CELSR1: variants seen among roughly 807,000 people sequenced by gnomAD.
CELSR1 encodes the protein adhesion G protein-coupled receptor C1.
In CELSR1, 110 loss-of-function variants were observed where a neutral mutation model predicts 249.1. The observed-to-expected ratio is 0.44, with a 90% CI of 0.38 to 0.52. CELSR1 has a LOEUF of 0.52. Among genes scored for constraint, CELSR1 ranks in the 20% least tolerant of loss-of-function variants. The pLI, the probability that CELSR1 is intolerant of heterozygous loss-of-function variation, is 0.00. For missense variants in CELSR1, 4,109 were observed against 4,296.4 expected (o/e 0.96, Z 1.22); for synonymous variants, 2,113 against 1,900.0 (o/e 1.11, Z -2.92).
chr22:46,367,795 C>T lies in CELSR1; in HGVS notation c.8013G>A (p.Gly2671=). The part of the protein sequence containing the change: ...LLLISATWLL[G]LLAVNRDALS... ...GTGCATCGCGGTTCACAGCCAGCAG[C>T]CCCAGCAGCCAGGTGGCGCTGATGA... The change falls in exon 28 of 35, where the codon GGG becomes GGA. Residue 2671 remains glycine (G), a synonymous_variant. Coordinates refer to ENST00000674500, the MANE Select transcript of CELSR1 (RefSeq NM_001378328.1). The T allele has an allele frequency of 1.9e-6, 3 of 1,611,522 alleles. No homozygotes were observed. Among genetic ancestry groups the T allele is most frequent in the South Asian group, 2.2e-5 (2 of 90,540 alleles).
Position 46,391,606 on chromosome 22 carries a change from T to A in CELSR1, c.6148+27A>T, listed in dbSNP as rs1445396301. 5.8e-6 allele frequency: 9 copies of A among 1,564,588 alleles called. No homozygotes were observed. The highest frequency in any genetic ancestry group is 7.7e-6 in the Non-Finnish European group (9 of 1,162,110). Reference sequence around the variant, plus strand: ...AGCAGCCTGTCCCCGCGCTGTAACCTGCAGGGTGTCGAGGGGCAACGCGGA... The same window carrying A: ...AGCAGCCTGTCCCCGCGCTGTAACCAGCAGGGTGTCGAGGGGCAACGCGGA... On this transcript the variant is annotated intron_variant, in intron 15 of 34. Transcript: ENST00000674500. The surrounding 1 kb of genome is among the most constrained non-coding windows in gnomAD (Gnocchi z 4.3).
At chr22:46,469,812 C>T (rs1160576156) in intron 1 of CELSR1, among the ~76,000 whole-genome samples, 1 of 149,638 alleles carries the variant, frequency 6.7e-6, no homozygotes, top group Non-Finnish European at 1.5e-5. Context: ...CCGCACCCGG[C>T]CTAGGGCTCT....
At chr22:46,521,483 C>T (rs1453710317) in intron 1 of CELSR1, among the ~76,000 whole-genome samples, 3 of 149,146 alleles carry the variant, frequency 2.0e-5, no homozygotes, top group South Asian at 2.1e-4. Flanking sequence ...CCAGCCTGGG[C>T]GACAGAGCAA....
Position 46,436,376 on chromosome 22 carries a change from G to T in CELSR1, c.4407-87C>A, listed in dbSNP as rs1043700368. The T allele has an allele frequency of 2.9e-5, 26 of 886,940 alleles. No homozygotes were observed. The highest frequency in any genetic ancestry group is 5.0e-5 in the African/African-American group (3 of 60,580). The allele number at this position is 886,940 out of a possible 1,614,324, so 54.9% of individuals were successfully genotyped here. A position where few individuals can be genotyped will look rare whatever the true frequency, so the allele number is the denominator to read the frequency against. On this transcript the variant is annotated intron_variant, in intron 3 of 34. Transcript: ENST00000674500. This position sits in a 1 kb window ranked among gnomAD's most constrained non-coding sequence, Gnocchi z 5.9. ...GAATGACAAGTCCAGCCGGAGGAGG[G>T]CAAGCACGTGGGGCTACGATTCAGG...
rs1410810482 is a variant in CELSR1, at chr22:46,534,587, T to C, written c.2584A>G (p.Ile862Val). The change falls in exon 1 of 35, where the codon ATC (isoleucine) becomes GTC (valine). Residue 862 changes from isoleucine to valine, a missense_variant. Physicochemically the swap from Ile to Val is conservative, Grantham distance 29. Coordinates refer to ENST00000674500, the MANE Select transcript of CELSR1 (RefSeq NM_001378328.1). This position sits in a 1 kb window ranked among gnomAD's most constrained non-coding sequence, Gnocchi z 9.7. ...YENQVAYTLT[I>V]MAQDNGIPQK... ...GGGATGCCGTTGTCCTGGGCCATGA[T>C]GGTCAGCGTGTAGGCGACCTGGTTC... is the stretch of plus-strand genomic sequence containing the variant. 1 of 1,613,738 alleles carries C rather than the reference T, an allele frequency of 6.2e-7. No individual in the cohort carries two copies. Among genetic ancestry groups the C allele is most frequent in the East Asian group, 2.2e-5 (1 of 44,894 alleles).
chr22:46,491,422 C>A (rs372765363), intron 1 of CELSR1, among the ~76,000 whole-genome samples: 32 of 151,878 alleles, frequency 2.1e-4, no homozygotes, highest in African/African-American at 6.5e-4. Context: ...CACCACCATA[C>A]CTGGCTAATT....
chr22:46,530,392 A>T (rs1315915254), intron 1 of CELSR1: 1 of 150,418 alleles, frequency 6.6e-6, no homozygotes, highest in Non-Finnish European at 1.5e-5. Flanking sequence ...GTTTTTCAAA[A>T]ATAAAAATAA....
intron 1 of CELSR1, among the ~76,000 whole-genome samples, chr22:46,499,574 G>A (rs1364287152): frequency 1.3e-5 from 2 of 152,286 alleles, no homozygotes; most frequent in Non-Finnish European, 2.9e-5. Context: ...TCTATTTTCA[G>A]GAAGCCCTGG....
rs59470297 is a variant in CELSR1 at position 46,506,173 on chromosome 22, CAAAAAAAAAA to C, written c.3544+27444_3544+27453del. Among the ~76,000 whole-genome samples the C allele has an allele frequency of 0.51, 69,917 of 137,528 alleles. 18,247 individuals carry two copies. The highest frequency in any genetic ancestry group is 0.85 in the East Asian group (4,259 of 4,996). 90.2% of individuals were successfully genotyped at this position (137,528 alleles called of 152,430 possible). ...CAGCCTGGGCGACAGAGACTGTCTC[CAAAAAAAAAA>C]AAAAAAAAAAGAAAAAGAAAGAAAG... On this transcript the variant is annotated intron_variant, in intron 1 of 34. Transcript: ENST00000674500. This position sits in a 1 kb window ranked among gnomAD's most constrained non-coding sequence, Gnocchi z 4.1.
At chr22:46,499,292 G>A (rs1477005505) in intron 1 of CELSR1, among the ~76,000 whole-genome samples, 1 of 151,820 alleles carries the variant, frequency 6.6e-6, no homozygotes, top group East Asian at 1.9e-4. Context: ...GACAGGACAG[G>A]AATTGGCAGA....
intron 14 of CELSR1, among the ~76,000 whole-genome samples, chr22:46,392,507 G>A (rs908449113): frequency 3.3e-5 from 5 of 152,238 alleles, no homozygotes; most frequent in African/African-American, 9.6e-5. Flanking sequence ...GCTGGGAGGC[G>A]CATGGGGTGA....
Position 46,437,120 on chromosome 22 carries a change from A to G in CELSR1, c.4407-831T>C, listed in dbSNP as rs2079671746. ...AAGAGGCATGAACAGACGCCTGAAC[A>G]TGAACAGGCCTGTCAGAACTTAGAG... is the stretch of plus-strand genomic sequence containing the variant. On this transcript the variant is annotated intron_variant, in intron 3 of 34. Coordinates refer to ENST00000674500, the MANE Select transcript of CELSR1 (RefSeq NM_001378328.1). The surrounding 1 kb of genome is among the most constrained non-coding windows in gnomAD (Gnocchi z 4.9). Among the ~76,000 whole-genome samples, 1 of 152,218 alleles carries G rather than the reference A, an allele frequency of 6.6e-6. No homozygotes were observed. The highest frequency in any genetic ancestry group is 2.4e-5 in the African/African-American group (1 of 41,466).
At position 46,533,636 on chromosome 22, in the gene CELSR1, A is replaced by T. The variant is rs772982178; in HGVS notation, c.3535T>A (p.Ser1179Thr). The change falls in exon 1 of 35, where the codon TCT (serine) becomes ACT (threonine). Residue 1179 changes from serine to threonine, a missense_variant. Transcript: ENST00000674500. ...NRPLEALMEV[S>T]VSDGIHSVTA... ...CCCGACGGCCACTCACCAGACACAG[A>T]CACCTCCATGAGCGCCTCCAGCGGC... The T allele has an allele frequency of 2.0e-5, 31 of 1,568,220 alleles. No individual in the cohort carries two copies. The highest frequency in any genetic ancestry group is 2.5e-5 in the Non-Finnish European group (29 of 1,160,906).
chr22:46,377,095 A>G lies in CELSR1; in HGVS notation c.7550T>C (p.Val2517Ala), dbSNP rs777942198. 9.3e-6 allele frequency: 15 copies of G among 1,613,316 alleles called. No individual in the cohort carries two copies. In the East Asian group the frequency reaches 3.1e-4, roughly 34 times the overall value. The change falls in exon 24 of 35, where the codon GTG becomes GCG. Residue 2517 changes from valine to alanine, a missense_variant. Around this residue, in one of 7 missense-constraint regions of CELSR1, gnomAD observed 1,805 missense variants for 1,831.6 expected, o/e 0.99. Transcript: ENST00000674500. The part of the protein sequence containing the change: ...LAVALFLSQL[V>A]FVIGINQTEN... ...CGTCTGGTTGATCCCAATCACGAAC[A>G]CCAGCTGAGAGAGGAAGAGCGCCAC...
intron 5 of CELSR1, among the ~76,000 whole-genome samples, chr22:46,424,251 T>C (rs2147391996): frequency 6.6e-6 from 1 of 150,826 alleles, no homozygotes; most frequent in Admixed American, 6.6e-5. Context: ...TTTTTTTACT[T>C]TGTATTTTGA....
rs184014444 is a variant in CELSR1, at chr22:46,373,270, C to G, written c.7585-213G>C. Among the ~76,000 whole-genome samples the G allele has an allele frequency of 1.7e-3, 260 of 152,300 alleles. 1 individual carries two copies. Among genetic ancestry groups the G allele is most frequent in the South Asian group, 3.5e-3 (17 of 4,824 alleles). ...GCAGCTGAGCCAGCAGGTGAGCCAG[C>G]CCTGCCTGCCTGGACACAGAAAGCA... On this transcript the variant is annotated intron_variant, in intron 24 of 34. Transcript: ENST00000674500.
At chr22:46,385,871 G>T (rs2079027558) in intron 19 of CELSR1, among the ~76,000 whole-genome samples, 1 of 151,472 alleles carries the variant, frequency 6.6e-6, no homozygotes, top group African/African-American at 2.4e-5. Context: ...TAGAGACGGG[G>T]TTTCACCATG....
At position 46,490,816 on chromosome 22, in the gene CELSR1, C is replaced by T. The variant is rs766748209; in HGVS notation, c.3545-26471G>A. On this transcript the variant is annotated intron_variant, in intron 1 of 34. Coordinates refer to ENST00000674500, the MANE Select transcript of CELSR1 (RefSeq NM_001378328.1). This position sits in a 1 kb window ranked among gnomAD's most constrained non-coding sequence, Gnocchi z 5.2. ...CACCCACCATCGAGCACCCAGCTGG[C>T]CTGGGGCTGCTGCACGTGCCGCACC... 2.6e-5 allele frequency among the ~76,000 whole-genome samples: 4 copies of T among 152,166 alleles called. No individual in the cohort carries two copies. Among genetic ancestry groups the T allele is most frequent in the Non-Finnish European group, 5.9e-5 (4 of 68,050 alleles).
In CELSR1 at chr22:46,473,924, A is replaced by G. The variant is rs536700939; in HGVS notation, c.3545-9579T>C. Among the ~76,000 whole-genome samples the G allele has an allele frequency of 6.6e-6, 1 of 152,266 alleles. No homozygotes were observed. The highest frequency in any genetic ancestry group is 1.5e-5 in the Non-Finnish European group (1 of 68,012). On this transcript the variant is annotated intron_variant, in intron 1 of 34. Coordinates refer to ENST00000674500, the MANE Select transcript of CELSR1 (RefSeq NM_001378328.1). The surrounding 1 kb of genome is among the most constrained non-coding windows in gnomAD (Gnocchi z 6.6). ...TTTTCTCCTTTCTGGGCAACAATCTAGGACCTGCGTCTCACGAATGCAGGT... is the reference window on the plus strand; with the variant it reads ...TTTTCTCCTTTCTGGGCAACAATCTGGGACCTGCGTCTCACGAATGCAGGT...
Sources: allele counts gnomAD v4.1 joint callset (sites outside exome capture counted in the v4.1 genomes callset), GRCh38; gene constraint gnomAD v4.1.1; regional missense constraint gnomAD v4.1.1; non-coding constraint Gnocchi (gnomAD v3.1); transcripts MANE v1.5; gene names NCBI Gene and HGNC (gene_info 2026-07-23, HGNC 2026-07-21).